The following CASP6 variants were observed in gnomAD, a reference collection of about 807,000 sequenced individuals.
CASP6 encodes the protein caspase-6.
CASP6 carries 20 observed loss-of-function variants against 31.8 expected under a neutral mutation model. That is an observed-to-expected ratio of 0.63 (90% confidence interval 0.44 to 0.91). CASP6 has a LOEUF of 0.91. Among genes scored for constraint, CASP6 ranks in the 40% least tolerant of loss-of-function variants. The pLI is 0.00. For synonymous variants in CASP6, 130 were observed against 127.8 expected (o/e 1.02, Z -0.12); for missense variants, 328 against 361.1 (o/e 0.91, Z 0.74).
chr4:109,690,249 C>CACAT (rs749778708), intron 6 of CASP6, among the ~76,000 whole-genome samples: 8 of 54,632 alleles, frequency 1.5e-4, no homozygotes, highest in Admixed American at 4.5e-4. Flanking sequence ...AAAAAAAAAA[C>CACAT]GCACGCACGC....
chr4:109,687,540 G>A (rs144584495), downstream of CASP6: 626 of 1,612,514 alleles, frequency 3.9e-4, 1 homozygote, highest in East Asian at 1.4e-3. Flanking sequence ...AAACAGGCGC[G>A]TCATTCTCTC....
the CASP6 span, among the ~76,000 whole-genome samples, chr4:109,676,942 A>G: frequency 6.6e-6 from 1 of 152,356 alleles, no homozygotes; most frequent in African/African-American, 2.4e-5. Flanking sequence ...CCCCTTGAGA[A>G]TCCAGAACTT....
chr4:109,674,842 G>T, the CASP6 span, among the ~76,000 whole-genome samples: 8 of 152,338 alleles, frequency 5.3e-5, no homozygotes, highest in African/African-American at 1.9e-4. Context: ...AAAGGTAAAT[G>T]AACACTTTTT....
chr4:109,666,435 G>C, the CASP6 span, among the ~76,000 whole-genome samples: 3 of 152,172 alleles, frequency 2.0e-5, no homozygotes, highest in African/African-American at 7.2e-5. Flanking sequence ...GAGAATTCCT[G>C]TTGCCCCATA....
chr4:109,672,571 A>G, the CASP6 span, among the ~76,000 whole-genome samples: 1 of 152,236 alleles, frequency 6.6e-6, no homozygotes, highest in Non-Finnish European at 1.5e-5. Flanking sequence ...GTGATAAAAG[A>G]AATAGATCAA....
chr4:109,676,242 G>GA, the CASP6 span, among the ~76,000 whole-genome samples: 1 of 152,144 alleles, frequency 6.6e-6, no homozygotes. Flanking sequence ...AATGTTTGTA[G>GA]AAATATCGAT....
the CASP6 span, chr4:109,673,961 T>G: frequency 1.2e-6 from 1 of 842,642 alleles, no homozygotes; most frequent in South Asian, 1.3e-5. Flanking sequence ...TTTGCAGCAG[T>G]TGTTGCATAT....
the CASP6 span, chr4:109,673,934 C>A: frequency 1.3e-6 from 1 of 785,838 alleles, no homozygotes. Flanking sequence ...CCATTCGTAC[C>A]CATTGGAATA....
the CASP6 span, among the ~76,000 whole-genome samples, chr4:109,675,525 T>C: frequency 1.3e-5 from 2 of 152,366 alleles, no homozygotes; most frequent in Admixed American, 1.3e-4. Flanking sequence ...GAAAGCTCAG[T>C]ACCCTCTGGA....
chr4:109,690,927 A>G lies in CASP6; in HGVS notation c.566T>C (p.Ile189Thr). Residue 189 changes from isoleucine to threonine, a missense_variant, in exon 6 of 7, where the codon ATA becomes ACA. Transcript: ENST00000265164. ...DNQTEKLDTN[I>T]TEVDAASVYT... ...AACGGAGGCTGCATCCACCTCAGTT[A>G]TGTTGGTGTCCAACTTCTCTGTCTG... is the stretch of plus-strand genomic sequence containing the variant. 6.2e-7 allele frequency: 1 copy of G among 1,613,772 alleles called. No individual in the cohort carries two copies. Among genetic ancestry groups the G allele is most frequent in the Non-Finnish European group, 8.5e-7 (1 of 1,179,816 alleles).
chr4:109,709,256 A>C, the CASP6 span, among the ~76,000 whole-genome samples: 1 of 152,210 alleles, frequency 6.6e-6, no homozygotes, highest in Non-Finnish European at 1.5e-5. Context: ...ACTGAATCAG[A>C]AACTCTGGGG....
At chr4:109,678,282 C>T in the CASP6 span, among the ~76,000 whole-genome samples, 43 of 152,162 alleles carry the variant, frequency 2.8e-4, no homozygotes, top group East Asian at 3.5e-3. Flanking sequence ...CTTTTCTATT[C>T]GACAAAACCG....
At chr4:109,706,815 C>T (rs1474584159), upstream of CASP6, among the ~76,000 whole-genome samples, 1 of 152,114 alleles carries the variant, frequency 6.6e-6, no homozygotes, top group Non-Finnish European at 1.5e-5. Flanking sequence ...GGCTGAGGCA[C>T]AAGAATCACT....
At chr4:109,679,885 T>G in the CASP6 span, among the ~76,000 whole-genome samples, 2 of 152,164 alleles carry the variant, frequency 1.3e-5, no homozygotes, top group Non-Finnish European at 2.9e-5. Context: ...CACTGCAACC[T>G]CTGCCTTCTG....
Position 109,697,783 on chromosome 4 carries a change from T to C in CASP6, c.84-15A>G, listed in dbSNP as rs1380546049. ...CAAACATTTCTCTGTTAATGAAAAG[T>C]TGAAAAACAATCACTTCAAGTCATA... On this transcript the variant is annotated splice_polypyrimidine_tract_variant and intron_variant, in intron 2 of 6. Transcript: ENST00000265164. The C allele has an allele frequency of 1.3e-5, 21 of 1,611,426 alleles. No individual in the cohort carries two copies. Among genetic ancestry groups the C allele is most frequent in the Non-Finnish European group, 1.8e-5 (21 of 1,179,164 alleles).
chr4:109,699,703 CT>C (rs754482279), intron 1 of CASP6, among the ~76,000 whole-genome samples: 29 of 152,216 alleles, frequency 1.9e-4, no homozygotes, highest in Non-Finnish European at 2.9e-4. Context: ...ACCTCTCCAA[CT>C]GGTCCTCCCC....
chr4:109,695,454 C>T (rs1213069743), intron 4 of CASP6, among the ~76,000 whole-genome samples: 1 of 152,128 alleles, frequency 6.6e-6, no homozygotes, highest in Non-Finnish European at 1.5e-5. Context: ...TGCACTTTCA[C>T]TATAGGAATA....
upstream of CASP6, among the ~76,000 whole-genome samples, chr4:109,706,001 A>AATATATATATATATATAT (rs58700813): frequency 1.0e-3 from 32 of 31,670 alleles, no homozygotes; most frequent in East Asian, 2.3e-3. Flanking sequence ...AAAAAAAAAA[A>AATATATATATATATATAT]ATATATATAT....
upstream of CASP6, among the ~76,000 whole-genome samples, chr4:109,704,406 C>T (rs1456506009): frequency 6.6e-6 from 1 of 152,172 alleles, no homozygotes; most frequent in Non-Finnish European, 1.5e-5. Flanking sequence ...GCTAAACAGC[C>T]TTATTGCTGA....
Sources: allele counts gnomAD v4.1 joint callset (sites outside exome capture counted in the v4.1 genomes callset), GRCh38; gene constraint gnomAD v4.1.1; transcripts MANE v1.5; gene names NCBI Gene and HGNC (gene_info 2026-07-23, HGNC 2026-07-21).